Variants in ZNF385B observed in about 807,000 individuals in gnomAD.
The protein encoded by ZNF385B is zinc finger protein 385B, also known as zinc finger protein 533.
A neutral mutation model predicts 39.2 loss-of-function variants in ZNF385B; 23 were observed. The ratio of observed to expected loss-of-function variants is 0.59; its 90% CI spans 0.42 to 0.83. The LOEUF is 0.83. Ranked by LOEUF, ZNF385B falls within the 40% of genes least tolerant of loss-of-function variation. The pLI, the probability that ZNF385B is intolerant of heterozygous loss-of-function variation, is 0.00. For synonymous variants in ZNF385B, 205 were observed against 222.6 expected, an observed-to-expected ratio of 0.92 and a Z score of 0.70; for missense variants, 552 against 598.9, an observed-to-expected ratio of 0.92 and a Z score of 0.82.
intron 1 of ZNF385B, among the ~76,000 whole-genome samples, chr2:179,833,054 C>A (rs557097926): frequency 6.6e-6 from 1 of 152,082 alleles, no homozygotes; most frequent in South Asian, 2.1e-4. Context: ...TATACAGAGA[C>A]AAAGTATCCA....
At chr2:179,623,594 C>T (rs1186518986) in intron 3 of ZNF385B, among the ~76,000 whole-genome samples, 5 of 152,104 alleles carry the variant, frequency 3.3e-5, no homozygotes, top group South Asian at 2.1e-4. Context: ...AAGATACGGT[C>T]GGGGCAGGAA....
At chr2:179,838,447 G>T (rs140164932) in intron 1 of ZNF385B, among the ~76,000 whole-genome samples, 1 of 152,116 alleles carries the variant, frequency 6.6e-6, no homozygotes, top group African/African-American at 2.4e-5. Context: ...CACATGGAGC[G>T]CCTAACTTCT....
intron 3 of ZNF385B, among the ~76,000 whole-genome samples, chr2:179,676,345 C>G (rs1419077895): frequency 6.6e-6 from 1 of 152,086 alleles, no homozygotes; most frequent in African/African-American, 2.4e-5. Context: ...GCCTCGGCCT[C>G]CCAAAGTGCT....
At chr2:179,694,160 C>T (rs1357920610) in intron 3 of ZNF385B, among the ~76,000 whole-genome samples, 2 of 152,160 alleles carry the variant, frequency 1.3e-5, no homozygotes, top group South Asian at 2.1e-4. Flanking sequence ...CACATGCCAT[C>T]GTTAACTCAT....
intron 1 of ZNF385B, among the ~76,000 whole-genome samples, chr2:179,796,895 C>T (rs530993198): frequency 2.6e-4 from 40 of 152,114 alleles, no homozygotes; most frequent in Admixed American, 6.6e-4. Flanking sequence ...TTTAATCTCT[C>T]GGAATGATCT....
intron 3 of ZNF385B, among the ~76,000 whole-genome samples, chr2:179,554,275 A>G (rs1477999351): frequency 6.7e-6 from 1 of 149,258 alleles, no homozygotes; most frequent in Non-Finnish European, 1.5e-5. Flanking sequence ...AAAAAATGTT[A>G]AGTAGGTTCA....
intron 6 of ZNF385B, among the ~76,000 whole-genome samples, chr2:179,466,379 T>C (rs1645043618): frequency 6.6e-6 from 1 of 152,000 alleles, no homozygotes; most frequent in African/African-American, 2.4e-5. Context: ...TGCCTGACAA[T>C]CTGAAGCACA....
intron 3 of ZNF385B, among the ~76,000 whole-genome samples, chr2:179,641,077 C>G (rs996291266): frequency 1.8e-4 from 10 of 54,808 alleles, no homozygotes; most frequent in African/African-American, 8.1e-4. Flanking sequence ...ATAATGTGAC[C>G]ACTGCATAAA....
chr2:179,545,451 G>A (rs2060173014), intron 3 of ZNF385B, among the ~76,000 whole-genome samples: 1 of 152,072 alleles, frequency 6.6e-6, no homozygotes, highest in Non-Finnish European at 1.5e-5. Context: ...TATAGTTACT[G>A]TCTGCTCTCA....
intron 3 of ZNF385B, among the ~76,000 whole-genome samples, chr2:179,732,655 A>G (rs1482312111): frequency 6.6e-6 from 1 of 152,234 alleles, no homozygotes; most frequent in Admixed American, 6.5e-5. Flanking sequence ...GAGTTAAATT[A>G]ACATTCTAAC....
rs60114910 is a variant in ZNF385B, at chr2:179,664,108, CTT to C, written c.298+105393_298+105394del. The stretch of plus-strand genomic sequence containing the variant: ...AGTGGTTCTTTTGGTTTCTCTTTGG[CTT>C]TTTTTTTTTCCTTCAGGGGATTTTT... On this transcript the variant is annotated intron_variant, in intron 3 of 9. Coordinates refer to ENST00000410066, the MANE Select transcript of ZNF385B (RefSeq NM_152520.6). Among the ~76,000 whole-genome samples the C allele has an allele frequency of 1.4e-4, 20 of 139,256 alleles. No individual in the cohort carries two copies. The East Asian group carries it at 3.5e-3, about 25-fold the overall frequency. The allele number at this position is 139,256 out of a possible 152,430, so 91.4% of individuals were successfully genotyped here.
At chr2:179,672,819 T>C (rs895269293) in intron 3 of ZNF385B, among the ~76,000 whole-genome samples, 1 of 152,138 alleles carries the variant, frequency 6.6e-6, no homozygotes, top group Non-Finnish European at 1.5e-5. Context: ...ATTTCTGTCG[T>C]TTATAAGCCA....
chr2:179,508,393 C>A (rs1461666614), intron 5 of ZNF385B, among the ~76,000 whole-genome samples: 1 of 152,116 alleles, frequency 6.6e-6, no homozygotes, highest in Non-Finnish European at 1.5e-5. Context: ...CTAAAGAAAT[C>A]CATACCAAGT....
intron 3 of ZNF385B, among the ~76,000 whole-genome samples, chr2:179,651,170 G>A (rs1412369369): frequency 6.6e-6 from 1 of 151,870 alleles, no homozygotes; most frequent in Non-Finnish European, 1.5e-5. Context: ...GGAAAATCTG[G>A]CAAAAGGGTA....
intron 1 of ZNF385B, among the ~76,000 whole-genome samples, chr2:179,852,042 G>A (rs1311701377): frequency 6.6e-6 from 1 of 152,166 alleles, no homozygotes; most frequent in Non-Finnish European, 1.5e-5. Context: ...TATGCACAGT[G>A]AGGCAAGAAA....
chr2:179,724,392 C>G (rs1027248610), intron 3 of ZNF385B, among the ~76,000 whole-genome samples: 1 of 152,078 alleles, frequency 6.6e-6, no homozygotes, highest in Non-Finnish European at 1.5e-5. Flanking sequence ...TTATCAAGAA[C>G]GAAATCTACA....
chr2:179,494,868 T>C lies in ZNF385B; in HGVS notation c.553-11434A>G, dbSNP rs560311900. Among the ~76,000 whole-genome samples, 12 of 152,368 alleles carry C rather than the reference T, an allele frequency of 7.9e-5. No homozygotes were observed. The South Asian group carries it at 2.3e-3, about 29-fold the overall frequency. On this transcript the variant is annotated intron_variant, in intron 5 of 9. Transcript: ENST00000410066. Reference sequence around the variant, plus strand: ...TCTATTTAGCAATAGGTTTTAAAGATATTTCATATGAGTAATTAAAAAGTT... The same window carrying C: ...TCTATTTAGCAATAGGTTTTAAAGACATTTCATATGAGTAATTAAAAAGTT...
At chr2:179,499,263 C>T (rs2056538961) in intron 5 of ZNF385B, among the ~76,000 whole-genome samples, 1 of 151,898 alleles carries the variant, frequency 6.6e-6, no homozygotes, top group Admixed American at 6.6e-5. Context: ...ATTAATCCTA[C>T]TCAAATTATT....
At chr2:179,578,154 AC>A (rs1359876741) in intron 3 of ZNF385B, among the ~76,000 whole-genome samples, 1 of 152,116 alleles carries the variant, frequency 6.6e-6, no homozygotes, top group Non-Finnish European at 1.5e-5. Context: ...ACATTTAAGT[AC>A]TATAGACTTC....
Sources: gnomAD v4.1 joint callset for allele counts (sites outside exome capture counted in the v4.1 genomes callset) on GRCh38, gnomAD v4.1.1 for gene constraint, MANE v1.5 for transcripts, NCBI Gene and HGNC (gene_info 2026-07-23, HGNC 2026-07-21) for gene names.